BICRA: variants seen among roughly 807,000 people sequenced by gnomAD.
BICRA encodes the protein BRD4-interacting chromatin-remodeling complex-associated protein.
In BICRA, 31 loss-of-function variants were observed where a neutral mutation model predicts 96.9. That is an observed-to-expected ratio of 0.32 (90% CI 0.24 to 0.43). The LOEUF (loss-of-function observed/expected upper bound fraction) is 0.43, where lower values mean the gene tolerates loss of function less well. Among genes scored for constraint, BICRA ranks in the 20% least tolerant of loss-of-function variants. The probability of loss-of-function intolerance (pLI) is 1.00; values close to 1 mark genes in which losing one functional copy is unlikely to be tolerated. For synonymous variants in BICRA, 1,350 were observed against 1,071.8 expected (o/e 1.26, Z -5.07); for missense variants, 2,283 against 2,190.3 (o/e 1.04, Z -0.84).
At chr19:47,644,855 T>A (rs191946467) in intron 1 of BICRA, among the ~76,000 whole-genome samples, 94 of 152,284 alleles carry the variant, frequency 6.2e-4, no homozygotes, top group African/African-American at 2.2e-3. Context: ...GTTTTCTGTC[T>A]GCAGGTCTCA....
intron 1 of BICRA, chr19:47,663,049 A>G (rs975688714): frequency 3.9e-5 from 6 of 152,246 alleles, no homozygotes; most frequent in African/African-American, 1.4e-4. Flanking sequence ...GGCTTAAACC[A>G]TAAGGATTAA....
intron 4 of BICRA, among the ~76,000 whole-genome samples, chr19:47,674,570 G>A (rs950675915): frequency 9.9e-5 from 15 of 152,222 alleles, no homozygotes; most frequent in Non-Finnish European, 1.8e-4. Flanking sequence ...GAATCTGGGA[G>A]CAGCTTAGCT....
chr19:47,687,711 G>A (rs957256404), intron 7 of BICRA, among the ~76,000 whole-genome samples: 2 of 151,320 alleles, frequency 1.3e-5, no homozygotes, highest in African/African-American at 4.9e-5. Flanking sequence ...TGAGGCAGGG[G>A]AATCCCTTGA....
intron 1 of BICRA, among the ~76,000 whole-genome samples, chr19:47,651,772 G>T (rs1485076222): frequency 6.6e-6 from 1 of 152,222 alleles, no homozygotes; most frequent in Admixed American, 6.5e-5. Flanking sequence ...GCACGAGAGG[G>T]TTGGGCAGAC....
At chr19:47,696,564 G>A (rs1568578468) in intron 11 of BICRA, 52 bp downstream of exon 11, 2 of 1,506,050 alleles carry the variant, frequency 1.3e-6, no homozygotes, top group East Asian at 4.9e-5. Flanking sequence ...CCAGAGACCT[G>A]GGGGAGCATG....
rs114642499 is a variant in BICRA, at chr19:47,631,997, C to T, written c.-108+22829C>T. Among the ~76,000 whole-genome samples, 965 of 152,274 alleles carry T rather than the reference C, an allele frequency of 6.3e-3. 9 individuals are homozygous for T. Among genetic ancestry groups the T allele is most frequent in the African/African-American group, 0.022 (919 of 41,556 alleles). On this transcript the variant is annotated intron_variant, in intron 1 of 14. Coordinates refer to ENST00000594866, the MANE Select transcript of BICRA (RefSeq NM_001394372.1). ...ATATTTTAGTGTTCCATTTTATCTC[C>T]GCTTTTAGCCTGGTAGCGCTACCTC...
chr19:47,688,061 C>T (rs1258793683), intron 7 of BICRA, among the ~76,000 whole-genome samples: 1 of 151,818 alleles, frequency 6.6e-6, no homozygotes, highest in Non-Finnish European at 1.5e-5. Context: ...AAGTGACACA[C>T]CCCCTGTGCT....
At chr19:47,612,673 C>T (rs1371962717) in intron 1 of BICRA, among the ~76,000 whole-genome samples, 1 of 151,834 alleles carries the variant, frequency 6.6e-6, no homozygotes, top group Admixed American at 6.6e-5. Context: ...GGACCCAGCT[C>T]ACCCAGTGTA....
chr19:47,612,548 C>G (rs1418583709), intron 1 of BICRA, among the ~76,000 whole-genome samples: 1 of 152,162 alleles, frequency 6.6e-6, no homozygotes, highest in Non-Finnish European at 1.5e-5. Context: ...ACCCTCTGAG[C>G]GCTTTGGGGA....
At chr19:47,648,038 G>C (rs1356669376) in intron 1 of BICRA, among the ~76,000 whole-genome samples, 1 of 152,024 alleles carries the variant, frequency 6.6e-6, no homozygotes, top group Admixed American at 6.6e-5. Context: ...GTGCGGGATA[G>C]GGGGAGGGTG....
upstream of BICRA, chr19:47,609,040 C>G (rs925832048): frequency 4.1e-5 from 6 of 146,818 alleles, no homozygotes; most frequent in South Asian, 5.6e-4. Context: ...CAGCGGCTGC[C>G]GAGCGGCCGC....
At chr19:47,638,563 T>C (rs1394612938) in intron 1 of BICRA, among the ~76,000 whole-genome samples, 1 of 152,080 alleles carries the variant, frequency 6.6e-6, no homozygotes, top group African/African-American at 2.4e-5. Flanking sequence ...GTTCTGTGCA[T>C]GTGTAAGCAT....
chr19:47,691,132 T>G (rs1009304058), intron 7 of BICRA, among the ~76,000 whole-genome samples: 2 of 152,206 alleles, frequency 1.3e-5, no homozygotes, highest in African/African-American at 4.8e-5. Flanking sequence ...GTCCCACTGA[T>G]CTGGAGAACC....
Position 47,698,693 on chromosome 19 carries a change from C to T in BICRA, c.3308C>T (p.Ala1103Val), listed in dbSNP as rs1214685958. 5 of 1,592,778 alleles carry T rather than the reference C, an allele frequency of 3.1e-6. No homozygotes were observed. In the Admixed American group the frequency reaches 6.7e-5, roughly 21 times the overall value. The stretch of plus-strand genomic sequence containing the variant: ...GTCCTGCACCCCGACTACAAGACGG[C>T]CTTCCCCTCCTTTGAGGACGCCCTG... ...GSVLHPDYKT[A>V]FPSFEDALHR... Residue 1103 changes from alanine to valine, a missense_variant, in exon 12 of 15, where the codon GCC (alanine) becomes GTC (valine). Coordinates refer to ENST00000594866, the MANE Select transcript of BICRA (RefSeq NM_001394372.1). The surrounding 1 kb of genome is among the most constrained non-coding windows in gnomAD (Gnocchi z 4.8).
chr19:47,630,857 C>A (rs1329997877), intron 1 of BICRA, among the ~76,000 whole-genome samples: 1 of 152,174 alleles, frequency 6.6e-6, no homozygotes, highest in Admixed American at 6.6e-5. Flanking sequence ...CACATTTCCA[C>A]CTGCAGTGCA....
intron 1 of BICRA, among the ~76,000 whole-genome samples, chr19:47,647,111 G>A (rs1251819037): frequency 6.6e-6 from 1 of 152,192 alleles, no homozygotes; most frequent in African/African-American, 2.4e-5. Flanking sequence ...CTCCGTGTGT[G>A]TCAGTGTCTC....
chr19:47,637,573 A>G (rs1177116759), intron 1 of BICRA, among the ~76,000 whole-genome samples: 1 of 152,152 alleles, frequency 6.6e-6, no homozygotes, highest in Non-Finnish European at 1.5e-5. Flanking sequence ...CCAGCCATGT[A>G]AAGGGTACAA....
At chr19:47,695,342 T>TCGGGGGGGGGG in intron 9 of BICRA, 23 bp from the exon 10 acceptor site, 1 of 630,200 alleles carries the variant, frequency 1.6e-6, no homozygotes, top group South Asian at 1.9e-5. Flanking sequence ...AGGCCCTGTC[T>TCGGGGGGGGGG]CCCCCACCCC....
At chr19:47,681,718 G>A (rs1568571172) in intron 6 of BICRA, among the ~76,000 whole-genome samples, 3 of 152,118 alleles carry the variant, frequency 2.0e-5, no homozygotes, top group South Asian at 4.2e-4. Context: ...GAAAGTGGAC[G>A]AGACAGGGAC....
Sources: allele counts gnomAD v4.1 joint callset (sites outside exome capture counted in the v4.1 genomes callset), GRCh38; gene constraint gnomAD v4.1.1; non-coding constraint Gnocchi (gnomAD v3.1); transcripts MANE v1.5; gene names NCBI Gene and HGNC (gene_info 2026-07-23, HGNC 2026-07-21).